CPM: variants seen among roughly 807,000 people sequenced by gnomAD.
CPM encodes carboxypeptidase M, also known as renal carboxypeptidase.
In CPM, 35 loss-of-function variants were observed where a neutral mutation model predicts 46.4. The ratio of observed to expected loss-of-function variants is 0.75; its 90% CI spans 0.58 to 1.00. CPM has a LOEUF of 1.00. CPM is among the 50% of genes least tolerant of loss of function. The pLI, the probability that CPM is intolerant of heterozygous loss-of-function variation, is 0.00. For missense variants in CPM, 422 were observed against 530.4 expected (o/e 0.80, Z 2.01); for synonymous variants, 195 against 195.3 (o/e 1.00, Z 0.01).
rs1482981614 is a variant in CPM at position 68,931,763 on chromosome 12, A to AAAAAAAAAG, written c.160+914_160+915insCTTTTTTTT. ...TCTGACCAAAAAAAAAAAAAAAAAA[A>AAAAAAAAAG]AAAGAAAGAAAGAAAGAAAGAAAGA... On this transcript the variant is annotated intron_variant, in intron 2 of 8. Transcript: ENST00000551568. Among the ~76,000 whole-genome samples the AAAAAAAAAG allele has an allele frequency of 2.8e-3, 372 of 132,396 alleles. 7 individuals are homozygous for AAAAAAAAAG. The highest frequency in any genetic ancestry group is 8.1e-3 in the Middle Eastern group (2 of 246). The allele number at this position is 132,396 out of a possible 152,430, so 86.9% of individuals were successfully genotyped here. A position where few individuals can be genotyped will look rare whatever the true frequency, so the allele number is the denominator to read the frequency against.
At chr12:68,880,050 A>C (rs1394657027) in intron 3 of CPM, among the ~76,000 whole-genome samples, 7 of 152,140 alleles carry the variant, frequency 4.6e-5, no homozygotes, top group Non-Finnish European at 5.9e-5. Flanking sequence ...TATCTGTAGC[A>C]TACAGGAATG....
Position 68,870,216 on chromosome 12 carries a change from T to C in CPM, c.615A>G (p.Gln205=). The change falls in exon 5 of 9, where the codon CAA becomes CAG. Residue 205 remains glutamine (Q), a splice_region_variant and synonymous_variant. Coordinates refer to ENST00000551568, the MANE Select transcript of CPM (RefSeq NM_198320.5). ...AGAACTGGACCCGCACCTGCTTACC[T>C]TGAACACCATTATCAAATGGGTAAC... is the stretch of plus-strand genomic sequence containing the variant. The part of the protein sequence containing the change: ...VASYPFDNGV[Q]ATGALYSRSL... 6.2e-7 allele frequency: 1 copy of C among 1,613,144 alleles called. No homozygotes were observed. The highest frequency in any genetic ancestry group is 8.5e-7 in the Non-Finnish European group (1 of 1,179,602).
At chr12:68,933,896 C>G (rs1292045795), upstream of CPM, among the ~76,000 whole-genome samples, 1 of 152,194 alleles carries the variant, frequency 6.6e-6, no homozygotes, top group Admixed American at 6.5e-5. Flanking sequence ...GTTGTAAATC[C>G]GATGCTTCCT....
chr12:68,945,636 A>G (rs1888834158), intron 1 of CPM, among the ~76,000 whole-genome samples: 1 of 152,164 alleles, frequency 6.6e-6, no homozygotes, highest in African/African-American at 2.4e-5. Context: ...TCTTATCCAC[A>G]TCGTTAGTAT....
In CPM at chr12:68,870,256, C is replaced by A. The variant is rs761242749; in HGVS notation, c.575G>T (p.Gly192Val). The change falls in exon 5 of 9, where the codon GGT (glycine) becomes GTT (valine). Residue 192 changes from glycine (G) to valine (V), a missense_variant. Physicochemically the swap from Gly to Val is moderately radical, Grantham distance 109. Transcript: ENST00000551568. ...TFVLSANLHG[G>V]ALVASYPFDN... Reference sequence around the variant, plus strand: ...AAATGGGTAACTGGCCACGAGGGCACCACCATGGAGGTTTGCAGAGAGGAC... The same window carrying A: ...AAATGGGTAACTGGCCACGAGGGCAACACCATGGAGGTTTGCAGAGAGGAC... The A allele has an allele frequency of 1.9e-6, 3 of 1,614,164 alleles. No individual in the cohort carries two copies. The highest frequency in any genetic ancestry group is 2.5e-6 in the Non-Finnish European group (3 of 1,179,994).
chr12:68,870,190 C>T, intron 5 of CPM, 25 bp downstream of exon 5: 1 of 1,601,464 alleles, frequency 6.2e-7, no homozygotes, highest in Non-Finnish European at 8.5e-7. Flanking sequence ...CTTAAGAAGC[C>T]AGAACTGGAC....
Position 68,859,007 on chromosome 12 carries a change from T to C in CPM, c.1005A>G (p.Gln335=). The part of the protein sequence containing the change: ...NPLPNVIVEV[Q]DRKHICPYRT... The stretch of plus-strand genomic sequence containing the variant: ...TATAGGGGCAGATATGTTTTCTGTC[T>C]TGGACTTCCACAATTACATTGGGTA... The change falls in exon 8 of 9, where the codon CAA becomes CAG. Residue 335 remains glutamine, a synonymous_variant. Transcript: ENST00000551568. The C allele has an allele frequency of 6.3e-7, 1 of 1,576,490 alleles. No homozygotes were observed. Among genetic ancestry groups the C allele is most frequent in the Non-Finnish European group, 8.6e-7 (1 of 1,161,368 alleles).
intron 6 of CPM, among the ~76,000 whole-genome samples, chr12:68,868,696 C>G (rs572238263): frequency 2.6e-4 from 40 of 152,276 alleles, no homozygotes; most frequent in Admixed American, 7.2e-4. Context: ...TGGGGGCCCT[C>G]CTCCCACTGT....
intron 1 of CPM, among the ~76,000 whole-genome samples, chr12:68,942,266 T>C (rs1888777553): frequency 6.6e-6 from 1 of 152,242 alleles, no homozygotes; most frequent in Non-Finnish European, 1.5e-5. Context: ...TGTGCAACTG[T>C]AAATGCATTA....
At chr12:68,924,402 G>A (rs1888169303) in intron 2 of CPM, among the ~76,000 whole-genome samples, 1 of 151,342 alleles carries the variant, frequency 6.6e-6, no homozygotes, top group Non-Finnish European at 1.5e-5. Context: ...CAGGAGCATT[G>A]CTTGAACCCA....
At chr12:68,847,196 T>TTATATATATATAGATATATATATA (rs1884367171), downstream of CPM, 1 of 92,080 alleles carries the variant, frequency 1.1e-5, no homozygotes, top group Non-Finnish European at 2.1e-5. Flanking sequence ...TGTGTGTACA[T>TTATATATATATAGATATATATATA]TATATATATA....
At chr12:68,908,721 G>A (rs1887455769) in intron 2 of CPM, among the ~76,000 whole-genome samples, 2 of 152,232 alleles carry the variant, frequency 1.3e-5, no homozygotes, top group South Asian at 2.1e-4. Flanking sequence ...GGGAAAGAGG[G>A]CCTTTTTAAG....
At position 68,861,651 on chromosome 12, in the gene CPM, C is replaced by T. The variant is rs564784007; in HGVS notation, c.941-2580G>A. 2.0e-4 allele frequency among the ~76,000 whole-genome samples: 30 copies of T among 151,884 alleles called. No homozygotes were observed. The South Asian group carries it at 6.0e-3, about 30-fold the overall frequency. On this transcript the variant is annotated intron_variant, in intron 7 of 8. Coordinates refer to ENST00000551568, the MANE Select transcript of CPM (RefSeq NM_198320.5). ...TTCAAGCAATCTCCTGCCTCAGCCT[C>T]CTAAGTAGCTGGGATTACAGGCACG...
intron 2 of CPM, among the ~76,000 whole-genome samples, chr12:68,890,381 A>G (rs1025988174): frequency 6.7e-6 from 1 of 150,332 alleles, no homozygotes; most frequent in Non-Finnish European, 1.5e-5. Context: ...AAAAAAAAAA[A>G]CCAAACCCTA....
intron 2 of CPM, among the ~76,000 whole-genome samples, chr12:68,907,310 C>T (rs188249524): frequency 6.6e-6 from 1 of 152,292 alleles, no homozygotes; most frequent in East Asian, 1.9e-4. Context: ...TAGGGTGATT[C>T]TGCGAACCTG....
At chr12:68,920,852 G>A (rs1034582664) in intron 2 of CPM, among the ~76,000 whole-genome samples, 1 of 150,640 alleles carries the variant, frequency 6.6e-6, no homozygotes, top group African/African-American at 2.4e-5. Flanking sequence ...CACCATGCCT[G>A]GCTAATTTTT....
intron 7 of CPM, among the ~76,000 whole-genome samples, chr12:68,864,180 C>T (rs1227064398): frequency 6.6e-6 from 1 of 152,232 alleles, no homozygotes; most frequent in Admixed American, 6.5e-5. Context: ...CATGGTGGCT[C>T]ATGCCTGTAA....
chr12:68,905,157 G>A (rs7968461), intron 2 of CPM, among the ~76,000 whole-genome samples: 21,880 of 151,946 alleles, frequency 0.14, 1,893 homozygotes, highest in African/African-American at 0.23. Context: ...TGATCCACCC[G>A]CCTCAGCCTC....
At chr12:68,872,252 C>CTTTTTTTT (rs10659287) in intron 3 of CPM, among the ~76,000 whole-genome samples, 2 of 117,252 alleles carry the variant, frequency 1.7e-5, no homozygotes, top group African/African-American at 7.0e-5. Context: ...CTGCTGCTTC[C>CTTTTTTTT]TTTTTTTTTT....
Sources: allele counts gnomAD v4.1 joint callset (sites outside exome capture counted in the v4.1 genomes callset), GRCh38; gene constraint gnomAD v4.1.1; transcripts MANE v1.5; gene names NCBI Gene and HGNC (gene_info 2026-07-23, HGNC 2026-07-21).